RBFOX1: variants seen among roughly 807,000 people sequenced by gnomAD.
The protein encoded by RBFOX1 is RNA binding fox-1 homolog 1.
In RBFOX1, 8 loss-of-function variants were observed where a neutral mutation model predicts 57.7. That is an observed-to-expected ratio of 0.14 (90% CI 0.08 to 0.25). The LOEUF (loss-of-function observed/expected upper bound fraction) is 0.25. Among genes scored for constraint, RBFOX1 ranks in the 10% least tolerant of loss-of-function variants. The pLI, the probability that RBFOX1 is intolerant of heterozygous loss-of-function variation, is 1.00. For synonymous variants in RBFOX1, 326 were observed against 222.4 expected (o/e 1.47, Z -4.15); for missense variants, 611 against 548.5 (o/e 1.11, Z -1.14).
At chr16:6,538,107 A>G (rs544404595) in intron 2 of RBFOX1, among the ~76,000 whole-genome samples, 2 of 152,158 alleles carry the variant, frequency 1.3e-5, no homozygotes, top group South Asian at 2.1e-4. Context: ...TGTAAACTGT[A>G]CAATTCAAGG....
In RBFOX1 at chr16:7,422,239, C is replaced by T. The variant is rs140111433; in HGVS notation, c.28-95908C>T. ...TCTCCCACCAGTAGGCTGTTAGGCA[C>T]GGCACTCAGAAACAGCCCTATTGTT... On this transcript the variant is annotated intron_variant, in intron 4 of 15. Coordinates refer to ENST00000550418, the MANE Select transcript of RBFOX1 (RefSeq NM_018723.4). 7.4e-3 allele frequency among the ~76,000 whole-genome samples: 1,131 copies of T among 152,216 alleles called. 7 individuals carry two copies. The highest frequency in any genetic ancestry group is 0.013 in the Non-Finnish European group (877 of 68,016).
intron 4 of RBFOX1, among the ~76,000 whole-genome samples, chr16:7,498,459 T>C (rs900390810): frequency 6.7e-6 from 1 of 149,978 alleles, no homozygotes; most frequent in Non-Finnish European, 1.5e-5. Context: ...TTTTTTTTTA[T>C]ACTTTCTGGT....
At chr16:6,580,160 T>C (rs148594910) in intron 2 of RBFOX1, among the ~76,000 whole-genome samples, 356 of 152,210 alleles carry the variant, frequency 2.3e-3, no homozygotes, top group Non-Finnish European at 3.8e-3. Context: ...GGTTTCACCA[T>C]GTCAGCCAGG....
At chr16:6,554,290 C>A (rs897491678) in intron 2 of RBFOX1, among the ~76,000 whole-genome samples, 1 of 152,006 alleles carries the variant, frequency 6.6e-6, no homozygotes, top group Non-Finnish European at 1.5e-5. Context: ...TTTCATTTAG[C>A]CTAATGTTTT....
At chr16:6,218,035 C>T (rs931921964) in intron 1 of RBFOX1, among the ~76,000 whole-genome samples, 2 of 151,932 alleles carry the variant, frequency 1.3e-5, no homozygotes, top group African/African-American at 4.8e-5. Context: ...AAAATAAAAA[C>T]GTTGCATGAA....
At chr16:6,428,955 G>A (rs542300130) in intron 2 of RBFOX1, among the ~76,000 whole-genome samples, 1 of 152,172 alleles carries the variant, frequency 6.6e-6, no homozygotes, top group African/African-American at 2.4e-5. Context: ...TTGAGATGTG[G>A]TTGGGTTTAT....
chr16:5,546,276 C>A (rs1219552606), intron 2 of RBFOX1, among the ~76,000 whole-genome samples: 1 of 152,112 alleles, frequency 6.6e-6, no homozygotes, highest in South Asian at 2.1e-4. Context: ...CAGTCCAAAC[C>A]AGAATCTCAT....
chr16:6,686,767 C>A (rs1385555892), intron 3 of RBFOX1, among the ~76,000 whole-genome samples: 2 of 152,180 alleles, frequency 1.3e-5, no homozygotes, highest in East Asian at 1.9e-4. Flanking sequence ...CAACCTCCCC[C>A]ATTACACACA....
At chr16:6,493,874 G>A (rs1332219895) in intron 2 of RBFOX1, among the ~76,000 whole-genome samples, 3 of 152,134 alleles carry the variant, frequency 2.0e-5, no homozygotes, top group African/African-American at 2.4e-5. Context: ...ACTATGCAAC[G>A]TTAAGTACAA....
At chr16:6,160,488 A>G (rs1216321936) in intron 1 of RBFOX1, among the ~76,000 whole-genome samples, 1 of 152,110 alleles carries the variant, frequency 6.6e-6, no homozygotes, top group Non-Finnish European at 1.5e-5. Context: ...TGGCCCCTCC[A>G]GCACCATCAC....
chr16:7,011,568 C>T (rs1248798733), intron 3 of RBFOX1, among the ~76,000 whole-genome samples: 2 of 152,138 alleles, frequency 1.3e-5, no homozygotes, highest in Non-Finnish European at 1.5e-5. Flanking sequence ...GGCTGGAGTG[C>T]AGTGGCATGA....
intron 5 of RBFOX1, among the ~76,000 whole-genome samples, chr16:7,538,089 G>A (rs145230158): frequency 6.6e-6 from 1 of 152,292 alleles, no homozygotes; most frequent in African/African-American, 2.4e-5. Flanking sequence ...CTCTGGGTTA[G>A]ACCTTGAGAC....
At chr16:7,478,742 C>G (rs1363276112) in intron 4 of RBFOX1, among the ~76,000 whole-genome samples, 4 of 152,102 alleles carry the variant, frequency 2.6e-5, no homozygotes, top group Non-Finnish European at 4.4e-5. Flanking sequence ...TAAAAGGAAC[C>G]CAAAACTGAC....
intron 1 of RBFOX1, among the ~76,000 whole-genome samples, chr16:6,126,246 C>T (rs1010536350): frequency 1.3e-5 from 2 of 152,184 alleles, no homozygotes; most frequent in African/African-American, 2.4e-5. Context: ...TTCAGATAGT[C>T]AAGAGCGCCA....
chr16:5,983,948 T>G (rs2060227742), intron 4 of RBFOX1, among the ~76,000 whole-genome samples: 1 of 120,052 alleles, frequency 8.3e-6, no homozygotes, highest in Admixed American at 9.5e-5. Context: ...CTCCTCTTCC[T>G]CCTCTTCTTC....
chr16:6,865,914 C>T (rs886425612), intron 3 of RBFOX1, among the ~76,000 whole-genome samples: 2 of 151,966 alleles, frequency 1.3e-5, no homozygotes, highest in African/African-American at 2.4e-5. Context: ...TGAAACATTA[C>T]ATGAAAAAGC....
intron 14 of RBFOX1, 28 bp from the exon 15 acceptor site, chr16:7,709,028 T>C: frequency 3.2e-6 from 5 of 1,583,242 alleles, no homozygotes; most frequent in Non-Finnish European, 4.3e-6. Context: ...ATACTGTGGA[T>C]CAATCTTCAC....
intron 3 of RBFOX1, among the ~76,000 whole-genome samples, chr16:5,625,579 A>T (rs907021096): frequency 1.1e-4 from 9 of 82,256 alleles, no homozygotes; most frequent in African/African-American, 2.8e-4. Context: ...TATTTTCGAG[A>T]TGGAGTTTTG....
At chr16:5,885,650 C>T (rs182184038) in intron 4 of RBFOX1, among the ~76,000 whole-genome samples, 3 of 152,158 alleles carry the variant, frequency 2.0e-5, no homozygotes, top group Admixed American at 6.5e-5. Flanking sequence ...TTCAGAATTT[C>T]CGCTATGCTA....
Sources: allele counts gnomAD v4.1 joint callset (sites outside exome capture counted in the v4.1 genomes callset), GRCh38; gene constraint gnomAD v4.1.1; transcripts MANE v1.5; gene names NCBI Gene and HGNC (gene_info 2026-07-23, HGNC 2026-07-21).